PTBP3: variants seen among roughly 807,000 people sequenced by gnomAD.
PTBP3 encodes polypyrimidine tract-binding protein 3.
PTBP3 carries 20 observed loss-of-function variants against 58.7 expected under a neutral mutation model. That is an observed-to-expected ratio of 0.34 (90% CI 0.24 to 0.50). PTBP3 has a LOEUF of 0.50. Among genes scored for constraint, PTBP3 ranks in the 20% least tolerant of loss-of-function variants. The pLI is 0.98. For missense variants in PTBP3, 509 were observed against 637.2 expected (o/e 0.80, Z 2.17); for synonymous variants, 185 against 219.8 (o/e 0.84, Z 1.40).
At chr9:112,273,999 C>A (rs1260930822) in intron 3 of PTBP3, among the ~76,000 whole-genome samples, 2 of 152,184 alleles carry the variant, frequency 1.3e-5, no homozygotes, top group Admixed American at 1.3e-4. Context: ...CTTTCACAGG[C>A]AATTAGCCAT....
At chr9:112,370,405 G>A in the PTBP3 span, among the ~76,000 whole-genome samples, 3 of 152,112 alleles carry the variant, frequency 2.0e-5, no homozygotes, top group Non-Finnish European at 4.4e-5. Flanking sequence ...TAGTGGTGTG[G>A]TCATGCATGC....
chr9:112,280,914 C>T (rs1406206645), intron 2 of PTBP3: 2 of 151,658 alleles, frequency 1.3e-5, no homozygotes, highest in Non-Finnish European at 2.9e-5. Flanking sequence ...GAATTATTTC[C>T]ATGATGAAAG....
chr9:112,373,323 GCAGGATGCATC>G, the PTBP3 span, among the ~76,000 whole-genome samples: 1 of 152,198 alleles, frequency 6.6e-6, no homozygotes, highest in East Asian at 1.9e-4. Flanking sequence ...ATGTTCAAGG[GCAGGATGCATC>G]CAGCTTGGGA....
intron 2 of PTBP3, among the ~76,000 whole-genome samples, chr9:112,287,693 C>T (rs543400730): frequency 6.6e-6 from 1 of 152,250 alleles, no homozygotes; most frequent in Admixed American, 6.5e-5. Flanking sequence ...TTCAAATTCA[C>T]TGATGTTTTC....
At chr9:112,355,602 A>G in the PTBP3 span, among the ~76,000 whole-genome samples, 1 of 151,638 alleles carries the variant, frequency 6.6e-6, no homozygotes, top group Admixed American at 6.6e-5. Context: ...AGATTACAAA[A>G]TGGCTAAGAA....
the PTBP3 span, among the ~76,000 whole-genome samples, chr9:112,379,516 GGC>G: frequency 1.3e-5 from 2 of 152,240 alleles, no homozygotes; most frequent in Admixed American, 6.5e-5. Context: ...CCAAGAAGCT[GGC>G]GCCTTAACAC....
chr9:112,378,629 T>C, the PTBP3 span, among the ~76,000 whole-genome samples: 1 of 152,318 alleles, frequency 6.6e-6, no homozygotes, highest in South Asian at 2.1e-4. Flanking sequence ...CATCTAACAG[T>C]CTCTATCAAC....
intron 5 of PTBP3, among the ~76,000 whole-genome samples, chr9:112,254,974 C>T (rs1375568284): frequency 6.6e-6 from 1 of 152,120 alleles, no homozygotes; most frequent in Admixed American, 6.5e-5. Context: ...CCAAAGTGTT[C>T]ATCAATGAAT....
the PTBP3 span, among the ~76,000 whole-genome samples, chr9:112,356,028 T>C: frequency 6.6e-6 from 1 of 151,472 alleles, no homozygotes; most frequent in African/African-American, 2.4e-5. Context: ...TCCTTCTTCT[T>C]TTCCTTCTTC....
intron 1 of PTBP3, among the ~76,000 whole-genome samples, chr9:112,306,257 T>C (rs6477911): frequency 0.84 from 127,729 of 151,994 alleles, 53,969 homozygotes; most frequent in African/African-American, 0.92. Context: ...CTCAACCTCC[T>C]AGGCTCAAGC....
chr9:112,377,329 G>A, the PTBP3 span, among the ~76,000 whole-genome samples: 2 of 152,162 alleles, frequency 1.3e-5, no homozygotes, highest in African/African-American at 4.8e-5. Context: ...CAGCCTGGGT[G>A]ACAGAGCAAG....
chr9:112,267,598 T>G (rs939197150), intron 4 of PTBP3, among the ~76,000 whole-genome samples: 1 of 152,158 alleles, frequency 6.6e-6, no homozygotes, highest in African/African-American at 2.4e-5. Flanking sequence ...GAAAAATGGG[T>G]AAGAAATATT....
At chr9:112,322,134 C>CATAA (rs1829977707) in intron 1 of PTBP3, among the ~76,000 whole-genome samples, 1 of 68,360 alleles carries the variant, frequency 1.5e-5, no homozygotes. Context: ...GACTCCATCT[C>CATAA]AAAAAAAAAA....
At chr9:112,334,189 G>C (rs1830514963), upstream of PTBP3, among the ~76,000 whole-genome samples, 1 of 152,074 alleles carries the variant, frequency 6.6e-6, no homozygotes, top group Non-Finnish European at 1.5e-5. Context: ...AGCCCCATAG[G>C]TGTGGCTGGG....
At chr9:112,279,026 C>G (rs1282076203) in intron 2 of PTBP3, among the ~76,000 whole-genome samples, 2 of 152,066 alleles carry the variant, frequency 1.3e-5, no homozygotes, top group African/African-American at 4.8e-5. Flanking sequence ...CCCAAATTAA[C>G]TGAACATATT....
intron 4 of PTBP3, among the ~76,000 whole-genome samples, chr9:112,264,259 A>G (rs2418200): frequency 0.99 from 150,953 of 152,316 alleles, 74,803 homozygotes; most frequent in Middle Eastern, 1. Flanking sequence ...CAGATCTTAA[A>G]TGTTAAGTTT....
chr9:112,241,384 T>C (rs1251361870), intron 7 of PTBP3, among the ~76,000 whole-genome samples: 1 of 152,172 alleles, frequency 6.6e-6, no homozygotes, highest in Non-Finnish European at 1.5e-5. Flanking sequence ...GATTACAGGG[T>C]GAGCCACCAT....
chr9:112,341,157 G>T, the PTBP3 span, among the ~76,000 whole-genome samples: 1 of 151,906 alleles, frequency 6.6e-6, no homozygotes, highest in Non-Finnish European at 1.5e-5. Flanking sequence ...TTGAGTCAGG[G>T]TCTGTCTCAA....
intron 1 of PTBP3, chr9:112,332,698 CTTTT>C: frequency 2.0e-6 from 3 of 1,515,032 alleles, no homozygotes; most frequent in Non-Finnish European, 2.7e-6. Flanking sequence ...GACTCTAAAT[CTTTT>C]TATTTTGGTC....
Sources: allele counts gnomAD v4.1 joint callset (sites outside exome capture counted in the v4.1 genomes callset), GRCh38; gene constraint gnomAD v4.1.1; transcripts MANE v1.5; gene names NCBI Gene and HGNC (gene_info 2026-07-23, HGNC 2026-07-21).